SGCZ: variants seen among roughly 807,000 people sequenced by gnomAD.
SGCZ encodes zeta-sarcoglycan.
A neutral mutation model predicts 41.3 loss-of-function variants in SGCZ; 40 were observed. The observed-to-expected ratio is 0.97, with a 90% CI of 0.75 to 1.26. SGCZ has a LOEUF of 1.26. Ranked by LOEUF, SGCZ falls within the 50% of genes most tolerant of loss-of-function variation. The pLI is 0.00. For missense variants in SGCZ, 552 were observed against 369.8 expected, an observed-to-expected ratio of 1.49 and a Z score of -4.04; for synonymous variants, 206 against 137.5, an observed-to-expected ratio of 1.50 and a Z score of -3.49.
intron 2 of SGCZ, among the ~76,000 whole-genome samples, chr8:14,463,379 G>C (rs541222946): frequency 3.7e-4 from 49 of 132,536 alleles, no homozygotes; most frequent in Non-Finnish European, 7.0e-4. Flanking sequence ...CAATGGAAAA[G>C]AATACGAAGT....
chr8:14,225,116 G>C (rs1205128172), intron 4 of SGCZ, among the ~76,000 whole-genome samples: 2 of 152,066 alleles, frequency 1.3e-5, no homozygotes, highest in African/African-American at 2.4e-5. Flanking sequence ...GTTTGTACTA[G>C]TTTTACGTTA....
chr8:14,996,629 G>C (rs1802229095), intron 1 of SGCZ, among the ~76,000 whole-genome samples: 1 of 152,158 alleles, frequency 6.6e-6, no homozygotes, highest in Admixed American at 6.5e-5. Flanking sequence ...TGACTCTACA[G>C]TTATAACCAA....
chr8:15,048,903 G>T (rs1033332732), intron 1 of SGCZ, among the ~76,000 whole-genome samples: 5 of 151,994 alleles, frequency 3.3e-5, no homozygotes, highest in Non-Finnish European at 5.9e-5. Flanking sequence ...ACAAAAAGTT[G>T]CTCTCCTCAA....
At chr8:15,108,964 A>C (rs999544044) in intron 1 of SGCZ, among the ~76,000 whole-genome samples, 19 of 152,174 alleles carry the variant, frequency 1.2e-4, no homozygotes, top group Admixed American at 5.2e-4. Context: ...GACTGCAAAA[A>C]TAGAATGAAA....
chr8:14,954,466 G>A (rs1247625382), intron 1 of SGCZ, among the ~76,000 whole-genome samples: 2 of 152,090 alleles, frequency 1.3e-5, no homozygotes, highest in Non-Finnish European at 2.9e-5. Flanking sequence ...CACAGGAGTT[G>A]CAGCTTGTTA....
At chr8:14,157,725 T>C (rs1222784091) in intron 5 of SGCZ, among the ~76,000 whole-genome samples, 3 of 152,154 alleles carry the variant, frequency 2.0e-5, no homozygotes, top group Admixed American at 2.0e-4. Context: ...TTGATGCTTC[T>C]AGAGAAAATG....
chr8:14,182,494 T>G (rs1487276062), intron 4 of SGCZ, among the ~76,000 whole-genome samples: 1 of 152,130 alleles, frequency 6.6e-6, no homozygotes, highest in African/African-American at 2.4e-5. Flanking sequence ...ATGGAAGCCT[T>G]ACTCATCTAC....
At chr8:14,609,608 C>A (rs561966251) in intron 1 of SGCZ, among the ~76,000 whole-genome samples, 3 of 152,134 alleles carry the variant, frequency 2.0e-5, no homozygotes, top group Non-Finnish European at 4.4e-5. Context: ...ATATTCAACA[C>A]TTTGAAAATC....
At chr8:14,831,127 T>C (rs1182305785) in intron 1 of SGCZ, among the ~76,000 whole-genome samples, 1 of 152,140 alleles carries the variant, frequency 6.6e-6, no homozygotes, top group African/African-American at 2.4e-5. Flanking sequence ...TCTCTTCCAA[T>C]TGAAAAGTGT....
In SGCZ at chr8:14,888,566, GA is replaced by G. The variant is rs557743182; in HGVS notation, c.40-333641del. Among the ~76,000 whole-genome samples, 4 of 152,220 alleles carry G rather than the reference GA, an allele frequency of 2.6e-5. No individual in the cohort carries two copies. In the South Asian group the frequency reaches 6.2e-4, roughly 24 times the overall value. On this transcript the variant is annotated intron_variant, in intron 1 of 7. Transcript: ENST00000382080. ...CAATGTAAGTCCTTATTGTATTCTT[GA>G]AAGACATTGAAAGTTTATAAGAAAA...
At chr8:14,428,389 C>T (rs780916568) in intron 2 of SGCZ, among the ~76,000 whole-genome samples, 15 of 151,938 alleles carry the variant, frequency 9.9e-5, no homozygotes, top group Non-Finnish European at 2.2e-4. Flanking sequence ...CTTACATTAA[C>T]TTTATTATTA....
chr8:14,241,616 A>T (rs1358346100), intron 3 of SGCZ, among the ~76,000 whole-genome samples: 1 of 151,684 alleles, frequency 6.6e-6, no homozygotes, highest in Non-Finnish European at 1.5e-5. Flanking sequence ...AATCTCCTAT[A>T]ACAGAAATAA....
intron 1 of SGCZ, among the ~76,000 whole-genome samples, chr8:14,615,313 C>T (rs1806064234): frequency 1.3e-5 from 2 of 152,178 alleles, no homozygotes; most frequent in Admixed American, 1.3e-4. Flanking sequence ...ATGCACTCAT[C>T]ACACCAGCCC....
At chr8:14,276,576 A>G (rs1227690341) in intron 3 of SGCZ, among the ~76,000 whole-genome samples, 3 of 152,078 alleles carry the variant, frequency 2.0e-5, no homozygotes, top group Non-Finnish European at 4.4e-5. Flanking sequence ...CATGTTTCCT[A>G]TATCCACTGG....
At chr8:14,163,423 T>C (rs1384421923) in intron 5 of SGCZ, among the ~76,000 whole-genome samples, 2 of 152,178 alleles carry the variant, frequency 1.3e-5, no homozygotes, top group Admixed American at 1.3e-4. Context: ...CATGTGGTGT[T>C]TGGCTTTCTA....
At chr8:15,126,228 T>A (rs1807675599) in intron 1 of SGCZ, among the ~76,000 whole-genome samples, 1 of 152,190 alleles carries the variant, frequency 6.6e-6, no homozygotes, top group Admixed American at 6.5e-5. Flanking sequence ...TCACAATGAT[T>A]AATGCTGTAT....
chr8:14,492,978 G>A (rs1401810007), intron 2 of SGCZ, among the ~76,000 whole-genome samples: 1 of 151,942 alleles, frequency 6.6e-6, no homozygotes, highest in African/African-American at 2.4e-5. Flanking sequence ...TTGCTATCAT[G>A]GGATCTAACC....
At chr8:14,968,874 T>C (rs1357975727) in intron 1 of SGCZ, among the ~76,000 whole-genome samples, 3 of 152,172 alleles carry the variant, frequency 2.0e-5, no homozygotes, top group Admixed American at 6.5e-5. Context: ...TAAATTATTT[T>C]AATGACCTAG....
At chr8:14,468,524 T>A (rs1801115706) in intron 2 of SGCZ, among the ~76,000 whole-genome samples, 1 of 152,096 alleles carries the variant, frequency 6.6e-6, no homozygotes, top group Admixed American at 6.6e-5. Flanking sequence ...GTTTATTAGA[T>A]CTTGAGAGCA....
Sources: allele counts gnomAD v4.1 joint callset (sites outside exome capture counted in the v4.1 genomes callset), GRCh38; gene constraint gnomAD v4.1.1; transcripts MANE v1.5; gene names NCBI Gene and HGNC (gene_info 2026-07-23, HGNC 2026-07-21).